ABI3BP: variants seen among roughly 807,000 people sequenced by gnomAD.
The protein encoded by ABI3BP is ABI family member 3 binding protein, also known as target of Nesh-SH3.
Under a neutral mutation model 268.6 loss-of-function variants are expected in ABI3BP, and 216 were observed. The ratio of observed to expected loss-of-function variants is 0.80; its 90% confidence interval spans 0.72 to 0.90. The LOEUF (loss-of-function observed/expected upper bound fraction) is 0.90, where lower values mean the gene tolerates loss of function less well. Ranked by LOEUF, ABI3BP falls within the 40% of genes least tolerant of loss-of-function variation. The pLI is 0.00. For synonymous variants in ABI3BP, 730 were observed against 730.0 expected, an observed-to-expected ratio of 1.00 and a Z score of 0.00; for missense variants, 2,090 against 2,182.4, an observed-to-expected ratio of 0.96 and a Z score of 0.84.
At chr3:100,877,858 A>C (rs1277312057) in intron 6 of ABI3BP, among the ~76,000 whole-genome samples, 1 of 152,172 alleles carries the variant, frequency 6.6e-6, no homozygotes, top group Admixed American at 6.5e-5. Context: ...AAGGGCAAAC[A>C]CCTGGTAGTG....
intron 2 of ABI3BP, among the ~76,000 whole-genome samples, chr3:100,907,266 G>A (rs1582911067): frequency 6.6e-6 from 1 of 152,324 alleles, no homozygotes; most frequent in Non-Finnish European, 1.5e-5. Flanking sequence ...GGCCAAGGTA[G>A]GGAGATCACT....
At chr3:100,943,923 AC>A (rs1425482113) in intron 1 of ABI3BP, among the ~76,000 whole-genome samples, 2 of 152,140 alleles carry the variant, frequency 1.3e-5, no homozygotes, top group Non-Finnish European at 2.9e-5. Context: ...CAGATTATTT[AC>A]TTATAATGCT....
In ABI3BP at chr3:100,912,233, A is replaced by T. The variant is rs144052739; in HGVS notation, c.260-9547T>A. On this transcript the variant is annotated intron_variant, in intron 2 of 67. Transcript: ENST00000471714. ...AACTTCACAACTTCATTAATCTAAA[A>T]CGCGTCTAAAACAGTTTATAGAAAA... is the stretch of plus-strand genomic sequence containing the variant. 153 of 162,442 alleles carry T rather than the reference A, an allele frequency of 9.4e-4. 1 individual carries two copies. The East Asian group carries it at 0.01, about 11-fold the overall frequency. 10.1% of individuals were successfully genotyped at this position (162,442 alleles called of 1,614,324 possible).
chr3:100,888,058 C>T (rs940675730), intron 4 of ABI3BP, among the ~76,000 whole-genome samples: 2 of 151,946 alleles, frequency 1.3e-5, no homozygotes, highest in African/African-American at 4.8e-5. Context: ...AGATGAGATG[C>T]ATTTGTATAT....
chr3:100,859,070 C>T (rs139457684), intron 14 of ABI3BP, among the ~76,000 whole-genome samples: 1 of 152,288 alleles, frequency 6.6e-6, no homozygotes, highest in African/African-American at 2.4e-5. Flanking sequence ...ACAAGACAAA[C>T]TCTTACAATA....
chr3:100,885,559 T>A lies in ABI3BP; in HGVS notation c.673A>T (p.Thr225Ser), dbSNP rs1344084290. The A allele has an allele frequency of 6.4e-7, 1 of 1,562,418 alleles. No homozygotes were observed. The highest frequency in any genetic ancestry group is 8.7e-7 in the Non-Finnish European group (1 of 1,150,382). The change falls in exon 6 of 68, where the codon ACC becomes TCC. Residue 225 changes from threonine (T) to serine (S), a missense_variant. Thr to Ser is a moderately conservative substitution (Grantham distance 58). Transcript: ENST00000471714. Reference sequence around the variant, plus strand: ...ACCACTGTGTGGTCTTGGTCATAGGTACTTTGGATTTTCCCATTTACTTTT... The same window carrying A: ...ACCACTGTGTGGTCTTGGTCATAGGAACTTTGGATTTTCCCATTTACTTTT... ...SKKVNGKIQS[T>S]YDQDHTVPAY...
chr3:100,989,201 G>C (rs558333826), intron 1 of ABI3BP, among the ~76,000 whole-genome samples: 14 of 152,154 alleles, frequency 9.2e-5, no homozygotes, highest in Non-Finnish European at 1.8e-4. Flanking sequence ...CCAGCACTTT[G>C]ATCATGGACT....
intron 1 of ABI3BP, among the ~76,000 whole-genome samples, chr3:100,929,716 C>T (rs2063008061): frequency 6.6e-6 from 1 of 152,010 alleles, no homozygotes; most frequent in African/African-American, 2.4e-5. Flanking sequence ...TTACAATCCT[C>T]TCACATTCTG....
intron 40 of ABI3BP, 51 bp from the exon 41 acceptor site, chr3:100,818,632 T>G: frequency 2.2e-6 from 3 of 1,370,962 alleles, no homozygotes; most frequent in Non-Finnish European, 3.0e-6. Flanking sequence ...AATTATATCT[T>G]TCCATTATAA....
At chr3:100,975,029 T>A (rs182417352) in intron 1 of ABI3BP, among the ~76,000 whole-genome samples, 1 of 152,162 alleles carries the variant, frequency 6.6e-6, no homozygotes, top group Non-Finnish European at 1.5e-5. Flanking sequence ...AGTTATTTGA[T>A]AAGAAGTTAG....
chr3:100,964,888 T>C (rs1267668839), intron 1 of ABI3BP, among the ~76,000 whole-genome samples: 6 of 152,238 alleles, frequency 3.9e-5, no homozygotes, highest in Admixed American at 3.9e-4. Flanking sequence ...CCTCTCTTCT[T>C]TAAAGCTTTG....
intron 1 of ABI3BP, among the ~76,000 whole-genome samples, chr3:100,974,620 A>C (rs902138795): frequency 5.3e-5 from 8 of 152,194 alleles, no homozygotes; most frequent in Non-Finnish European, 1.2e-4. Flanking sequence ...TACAAGGCAC[A>C]GTGGAACATT....
intron 1 of ABI3BP, among the ~76,000 whole-genome samples, chr3:100,970,575 G>T (rs148467894): frequency 3.0e-4 from 45 of 152,294 alleles, no homozygotes; most frequent in African/African-American, 1.0e-3. Flanking sequence ...GATCGCTCTA[G>T]AGAGTCCCAG....
intron 2 of ABI3BP, among the ~76,000 whole-genome samples, chr3:100,916,930 G>A (rs926052440): frequency 6.6e-6 from 1 of 152,158 alleles, no homozygotes; most frequent in Non-Finnish European, 1.5e-5. Flanking sequence ...CTAAACTAGG[G>A]TACTGTTGAA....
At chr3:100,812,257 A>G (rs1410546202) in intron 46 of ABI3BP, among the ~76,000 whole-genome samples, 1 of 152,166 alleles carries the variant, frequency 6.6e-6, no homozygotes, top group Non-Finnish European at 1.5e-5. Context: ...GAGTGAGAAT[A>G]AGGAAATTAT....
At chr3:100,801,872 G>C (rs903014167) in intron 51 of ABI3BP, among the ~76,000 whole-genome samples, 7 of 152,088 alleles carry the variant, frequency 4.6e-5, no homozygotes, top group African/African-American at 1.7e-4. Flanking sequence ...TTGACAAAAA[G>C]TATAAATGGA....
chr3:100,852,565 G>C (rs1580545268), intron 14 of ABI3BP, among the ~76,000 whole-genome samples: 1 of 152,246 alleles, frequency 6.6e-6, no homozygotes, highest in Admixed American at 6.5e-5. Flanking sequence ...GAACACATCT[G>C]CCAGTGGTCA....
Position 100,843,662 on chromosome 3 carries a change from G to A in ABI3BP, c.1724-1623C>T, listed in dbSNP as rs1402919221. On this transcript the variant is annotated intron_variant, in intron 20 of 67. Transcript: ENST00000471714. ...GTGAGAAAGAGAAAGGGAATTGTAT[G>A]TGTAAGGGAGTGCATGTATAGGTCT... is the stretch of plus-strand genomic sequence containing the variant. 3.0e-6 allele frequency: 3 copies of A among 984,230 alleles called. No homozygotes were observed. The East Asian group carries it at 3.4e-4, about 112-fold the overall frequency. The allele number at this position is 984,230 out of a possible 1,614,324, so 61.0% of individuals were successfully genotyped here.
At chr3:100,970,043 C>A (rs1162913566) in intron 1 of ABI3BP, among the ~76,000 whole-genome samples, 2 of 152,060 alleles carry the variant, frequency 1.3e-5, no homozygotes, top group African/African-American at 4.8e-5. Flanking sequence ...ACAGGTCTAG[C>A]CTAACCTTGG....
Sources: allele counts gnomAD v4.1 joint callset (sites outside exome capture counted in the v4.1 genomes callset), GRCh38; gene constraint gnomAD v4.1.1; transcripts MANE v1.5; gene names NCBI Gene and HGNC (gene_info 2026-07-23, HGNC 2026-07-21).